The following COX17 variants were observed in gnomAD, a reference collection of about 807,000 sequenced individuals.
The protein encoded by COX17 is cytochrome c oxidase copper chaperone COX17.
In COX17, 1 loss-of-function variant was observed where a neutral mutation model predicts 6.3. The observed-to-expected ratio is 0.16, with a 90% confidence interval of 0.06 to 0.75. COX17 has a LOEUF of 0.75. Ranked by LOEUF, COX17 falls within the 30% of genes least tolerant of loss-of-function variation. COX17 has a pLI of 0.77. For synonymous variants in COX17, 26 were observed against 30.5 expected (o/e 0.85, Z 0.49); for missense variants, 73 against 81.2 (o/e 0.90, Z 0.39).
intron 2 of COX17, among the ~76,000 whole-genome samples, chr3:119,673,401 A>G (rs2053064492): frequency 1.3e-5 from 2 of 152,190 alleles, no homozygotes; most frequent in South Asian, 4.1e-4. Flanking sequence ...TATATGTATC[A>G]TGCAGGTGAC....
intron 1 of COX17, 174 bp from the exon 2 acceptor site, chr3:119,675,407 G>A: frequency 1.8e-6 from 1 of 563,220 alleles, no homozygotes; most frequent in Non-Finnish European, 3.2e-6. Context: ...ATATGCCCAT[G>A]CCTATGAAGA....
downstream of COX17, chr3:119,665,371 T>G (rs1025677845): frequency 2.0e-5 from 3 of 152,140 alleles, no homozygotes; most frequent in African/African-American, 4.8e-5. Flanking sequence ...AAGCCTAGGT[T>G]TTTTTGTTTG....
At chr3:119,675,299 T>C in intron 1 of COX17, 66 bp from the exon 2 acceptor site, 1 of 1,119,764 alleles carries the variant, frequency 8.9e-7, no homozygotes, top group Non-Finnish European at 1.4e-6. Context: ...TGCATGATAG[T>C]GATGGGGAGT....
intron 2 of COX17, among the ~76,000 whole-genome samples, chr3:119,672,572 T>C (rs761059482): frequency 8.5e-5 from 13 of 152,184 alleles, no homozygotes; most frequent in Non-Finnish European, 1.6e-4. Context: ...AATGTTAAGG[T>C]TGCATCTTTA....
chr3:119,664,604 A>C (rs928244911), downstream of COX17, among the ~76,000 whole-genome samples: 2 of 152,216 alleles, frequency 1.3e-5, no homozygotes, highest in Non-Finnish European at 1.5e-5. Context: ...CATCTTATGA[A>C]GTCACCAGAG....
downstream of COX17, among the ~76,000 whole-genome samples, chr3:119,667,722 CACACACAG>C (rs749033798): frequency 0.054 from 6,151 of 113,670 alleles, 154 homozygotes; most frequent in Non-Finnish European, 0.074. Context: ...CACACACACA[CACACACAG>C]AGAGAGAGAG....
downstream of COX17, chr3:119,665,316 G>T (rs1720143): frequency 0.9 from 136,945 of 152,208 alleles, 63,375 homozygotes; most frequent in East Asian, 1. Flanking sequence ...TCATGAGATA[G>T]GATATGCCTA....
chr3:119,667,670 AAAAG>A (rs1385775989), downstream of COX17, among the ~76,000 whole-genome samples: 20 of 144,908 alleles, frequency 1.4e-4, no homozygotes, highest in South Asian at 4.4e-4. Context: ...CAAAAAAAAA[AAAAG>A]AAAGTAAAAG....
Position 119,677,281 on chromosome 3 carries a change from G to C in COX17, c.30C>G (p.Ala10=), listed in dbSNP as rs779218982. 26 of 1,611,860 alleles carry C rather than the reference G, an allele frequency of 1.6e-5. No homozygotes were observed. The highest frequency in any genetic ancestry group is 4.2e-6 in the Non-Finnish European group (5 of 1,179,952). Residue 10 remains alanine, a synonymous_variant, in exon 1 of 3, where the codon GCC becomes GCG. Transcript: ENST00000261070. MPGLVDSNP[A]PPESQEKKPL... is the part of the protein sequence containing the mutation. ...GCTTCTTCTCCTGAGACTCAGGCGG[G>C]GCAGGGTTTGAGTCAACCAGACCCG... is the stretch of plus-strand genomic sequence containing the variant.
chr3:119,675,011 T>G, intron 2 of COX17, 134 bp downstream of exon 2: 1 of 640,264 alleles, frequency 1.6e-6, no homozygotes, highest in Non-Finnish European at 2.8e-6. Flanking sequence ...CATTGGGAAC[T>G]GAAAAATCAT....
intron 2 of COX17, among the ~76,000 whole-genome samples, chr3:119,671,415 G>T (rs6794579): frequency 1.3e-5 from 2 of 152,052 alleles, no homozygotes; most frequent in South Asian, 2.1e-4. Flanking sequence ...AATCTACAAA[G>T]GTTTTTGAAT....
downstream of COX17, among the ~76,000 whole-genome samples, chr3:119,665,991 C>T (rs2052989167): frequency 1.3e-5 from 2 of 152,234 alleles, no homozygotes; most frequent in Admixed American, 1.3e-4. Flanking sequence ...CTCAATTTGA[C>T]TGTTCAGGGT....
chr3:119,674,556 G>A (rs1393124185), intron 2 of COX17: 1 of 152,452 alleles, frequency 6.6e-6, no homozygotes, highest in Admixed American at 6.5e-5. Context: ...AGCACTTTGG[G>A]AGACCAAGGC....
chr3:119,666,632 A>G (rs2052994862), downstream of COX17, among the ~76,000 whole-genome samples: 1 of 152,212 alleles, frequency 6.6e-6, no homozygotes, highest in Non-Finnish European at 1.5e-5. Flanking sequence ...TACGGTTTAT[A>G]TACATATATC....
In COX17 at chr3:119,669,533, T is replaced by C. The variant is rs1442295776; in HGVS notation, c.*137A>G. The C allele has an allele frequency of 1.3e-5, 2 of 152,176 alleles. No individual in the cohort carries two copies. The highest frequency in any genetic ancestry group is 2.9e-5 in the Non-Finnish European group (2 of 68,024). The allele number at this position is 152,176 out of a possible 1,614,324, so 9.4% of individuals were successfully genotyped here. The stretch of plus-strand genomic sequence containing the variant: ...AAAAAAGAAACACAACTGAAGATCT[T>C]CCACTAGTAATATTTTACTTTCTTC... On this transcript the variant is annotated 3_prime_UTR_variant, in exon 3 of 3. Transcript: ENST00000261070.
At chr3:119,667,353 C>G (rs1436768529), downstream of COX17, among the ~76,000 whole-genome samples, 1 of 152,080 alleles carries the variant, frequency 6.6e-6, no homozygotes, top group Non-Finnish European at 1.5e-5. Context: ...GGCAGAGGGT[C>G]TTGTGAGATG....
At chr3:119,668,006 A>G (rs1266330920), downstream of COX17, among the ~76,000 whole-genome samples, 1 of 152,216 alleles carries the variant, frequency 6.6e-6, no homozygotes, top group African/African-American at 2.4e-5. Flanking sequence ...TATTGGTTAA[A>G]TTATGGTTAA....
intron 2 of COX17, among the ~76,000 whole-genome samples, chr3:119,672,645 T>C (rs2053056562): frequency 6.6e-6 from 1 of 152,236 alleles, no homozygotes; most frequent in Non-Finnish European, 1.5e-5. Context: ...TTACTTATTT[T>C]ATAAAATAGT....
chr3:119,669,457 G>A (rs768615567), downstream of COX17: 1 of 152,044 alleles, frequency 6.6e-6, no homozygotes, highest in African/African-American at 2.4e-5. Flanking sequence ...TACAAGATTT[G>A]TTGGTATATA....
Sources: allele counts gnomAD v4.1 joint callset (sites outside exome capture counted in the v4.1 genomes callset), GRCh38; gene constraint gnomAD v4.1.1; transcripts MANE v1.5; gene names NCBI Gene and HGNC (gene_info 2026-07-23, HGNC 2026-07-21).